The following RBFOX1 variants were observed in gnomAD, a reference collection of about 807,000 sequenced individuals.
RBFOX1 encodes RNA binding fox-1 homolog 1.
A neutral mutation model predicts 57.7 loss-of-function variants in RBFOX1; 8 were observed. That is an observed-to-expected ratio of 0.14 (90% CI 0.08 to 0.25). The LOEUF (loss-of-function observed/expected upper bound fraction) is 0.25. Ranked by LOEUF, RBFOX1 falls within the 10% of genes least tolerant of loss-of-function variation. RBFOX1 has a pLI of 1.00. For synonymous variants in RBFOX1, 326 were observed against 222.4 expected (o/e 1.47, Z -4.15); for missense variants, 611 against 548.5 (o/e 1.11, Z -1.14).
intron 4 of RBFOX1, among the ~76,000 whole-genome samples, chr16:7,362,099 G>A (rs896141169): frequency 2.0e-5 from 3 of 151,514 alleles, no homozygotes; most frequent in African/African-American, 7.3e-5. Context: ...GCATATGTGT[G>A]TTAGTGTGTG....
At chr16:7,021,566 AT>A (rs1425541720) in intron 3 of RBFOX1, among the ~76,000 whole-genome samples, 2 of 145,248 alleles carry the variant, frequency 1.4e-5, no homozygotes, top group Non-Finnish European at 3.0e-5. Context: ...AAAATATATT[AT>A]ATTTTATAAA....
chr16:6,478,169 T>G (rs537685754), intron 2 of RBFOX1, among the ~76,000 whole-genome samples: 140 of 149,498 alleles, frequency 9.4e-4, no homozygotes, highest in African/African-American at 3.2e-3. Flanking sequence ...AACTTTTTCA[T>G]CACATTCACA....
chr16:5,538,141 C>G (rs1288313635), intron 2 of RBFOX1, among the ~76,000 whole-genome samples: 1 of 152,168 alleles, frequency 6.6e-6, no homozygotes. Context: ...ACATCGGTAA[C>G]TAGAAGGTCT....
chr16:5,467,319 A>G, intron 2 of RBFOX1: 2 of 1,425,932 alleles, frequency 1.4e-6, no homozygotes, highest in South Asian at 1.2e-5. Flanking sequence ...AAGCAATAGA[A>G]AAATCTTGCG....
intron 4 of RBFOX1, among the ~76,000 whole-genome samples, chr16:7,451,124 G>A (rs1354149254): frequency 1.3e-5 from 2 of 152,168 alleles, no homozygotes; most frequent in African/African-American, 4.8e-5. Context: ...GGAGGGAGAA[G>A]AATCGTACTC....
At chr16:7,252,983 A>T (rs531343436) in intron 4 of RBFOX1, among the ~76,000 whole-genome samples, 1 of 152,324 alleles carries the variant, frequency 6.6e-6, no homozygotes, top group East Asian at 1.9e-4. Flanking sequence ...TGTTAAAGGA[A>T]GTTCAGCATC....
In RBFOX1 at chr16:5,713,898, T is replaced by C. The variant is rs187939499; in HGVS notation, c.318+114937T>C. 7.4e-4 allele frequency among the ~76,000 whole-genome samples: 113 copies of C among 152,334 alleles called. 1 individual carries two copies. The highest frequency in any genetic ancestry group is 2.6e-3 in the African/African-American group (107 of 41,576). ...GGAAGTGAGGAGGAAGCCCAGATCATCTACGTTGCAATCTTCCAGTGACCT... is the reference window on the plus strand; with the variant it reads ...GGAAGTGAGGAGGAAGCCCAGATCACCTACGTTGCAATCTTCCAGTGACCT... On this transcript the variant is annotated intron_variant, in intron 3 of 19. Transcript: ENST00000641259.
intron 3 of RBFOX1, among the ~76,000 whole-genome samples, chr16:6,796,187 C>G (rs116896487): frequency 0.028 from 4,298 of 152,162 alleles, 243 homozygotes; most frequent in East Asian, 0.13. Context: ...CAGGGAAACT[C>G]CCATTTTTTA....
At chr16:7,126,148 CTG>C (rs2068480821) in intron 4 of RBFOX1, 1 of 153,460 alleles carries the variant, frequency 6.5e-6, no homozygotes, top group Admixed American at 6.5e-5. Context: ...ATGAAAATAA[CTG>C]TGTCACTTCT....
At chr16:7,579,979 T>A (rs1308793411) in intron 6 of RBFOX1, 59 bp downstream of exon 6, 1 of 1,569,818 alleles carries the variant, frequency 6.4e-7, no homozygotes, top group African/African-American at 1.4e-5. Flanking sequence ...GACCTCCCTG[T>A]CTCATGTAAG....
chr16:6,180,918 T>G (rs1424363719), intron 1 of RBFOX1, among the ~76,000 whole-genome samples: 1 of 152,154 alleles, frequency 6.6e-6, no homozygotes, highest in African/African-American at 2.4e-5. Context: ...CTATATAGCT[T>G]AAAGACCAGC....
At chr16:6,137,008 G>A (rs939710710) in intron 1 of RBFOX1, among the ~76,000 whole-genome samples, 1 of 152,056 alleles carries the variant, frequency 6.6e-6, no homozygotes, top group Admixed American at 6.5e-5. Flanking sequence ...CCCCTCCACC[G>A]CTGGAAACTC....
At chr16:6,298,741 C>G (rs1266175562) in intron 1 of RBFOX1, among the ~76,000 whole-genome samples, 2 of 152,130 alleles carry the variant, frequency 1.3e-5, no homozygotes, top group Admixed American at 6.5e-5. Flanking sequence ...AGACTGTTTT[C>G]CAAAGGTTAG....
chr16:7,341,744 CTCCCTCCCTCCT>C (rs2096897077), intron 4 of RBFOX1, among the ~76,000 whole-genome samples: 1 of 121,130 alleles, frequency 8.3e-6, no homozygotes, highest in African/African-American at 3.2e-5. Flanking sequence ...CCTTCCCTCC[CTCCCTCCCTCCT>C]TCCCTCCTTC....
intron 4 of RBFOX1, chr16:7,431,093 C>G (rs976329230): frequency 1.3e-5 from 2 of 152,226 alleles, no homozygotes; most frequent in African/African-American, 4.8e-5. Context: ...TCCATAACAA[C>G]AACCTCAAAC....
chr16:7,227,796 A>C (rs2093241096), intron 4 of RBFOX1, among the ~76,000 whole-genome samples: 1 of 151,976 alleles, frequency 6.6e-6, no homozygotes, highest in African/African-American at 2.4e-5. Context: ...GGAAACTCCT[A>C]CCTCATCACG....
intron 3 of RBFOX1, among the ~76,000 whole-genome samples, chr16:6,967,411 T>C (rs1216231234): frequency 6.6e-6 from 1 of 152,154 alleles, no homozygotes; most frequent in Admixed American, 6.5e-5. Flanking sequence ...GGAAGGCCAG[T>C]TGAAGCCAGT....
At chr16:6,491,465 A>G (rs190536975) in intron 2 of RBFOX1, among the ~76,000 whole-genome samples, 3 of 152,298 alleles carry the variant, frequency 2.0e-5, no homozygotes, top group East Asian at 3.9e-4. Flanking sequence ...TAGAAGTTAC[A>G]TCAATGTTAT....
intron 3 of RBFOX1, among the ~76,000 whole-genome samples, chr16:7,018,766 G>C (rs916588871): frequency 6.8e-6 from 1 of 146,320 alleles, no homozygotes; most frequent in Admixed American, 7.1e-5. Flanking sequence ...TTGTGCACAT[G>C]TACCCTATAC....
Sources: allele counts gnomAD v4.1 joint callset (sites outside exome capture counted in the v4.1 genomes callset), GRCh38; gene constraint gnomAD v4.1.1; transcripts MANE v1.5; gene names NCBI Gene and HGNC (gene_info 2026-07-23, HGNC 2026-07-21).